CTNND2: variants seen among roughly 807,000 people sequenced by gnomAD.
The protein encoded by CTNND2 is catenin delta-2.
CTNND2 carries 22 observed loss-of-function variants against 144.4 expected under a neutral mutation model. The ratio of observed to expected loss-of-function variants is 0.15; its 90% CI spans 0.11 to 0.22. CTNND2 has a LOEUF of 0.22. Ranked by LOEUF, CTNND2 falls within the 10% of genes least tolerant of loss-of-function variation. CTNND2 has a pLI of 1.00. For missense variants in CTNND2, 1,353 were observed against 1,618.8 expected (o/e 0.84, Z 2.82); for synonymous variants, 751 against 695.6 (o/e 1.08, Z -1.25).
At chr5:11,413,197 G>A (rs1761680365) in intron 3 of CTNND2, among the ~76,000 whole-genome samples, 1 of 152,106 alleles carries the variant, frequency 6.6e-6, no homozygotes, top group Admixed American at 6.5e-5. Context: ...TTCAAATTCA[G>A]TCCAATGCAA....
intron 1 of CTNND2, among the ~76,000 whole-genome samples, chr5:11,870,898 G>GGTAA (rs1735050869): frequency 6.6e-6 from 1 of 152,124 alleles, no homozygotes; most frequent in Non-Finnish European, 1.5e-5. Flanking sequence ...GAGACACAGG[G>GGTAA]GTAAGGTTTC....
chr5:11,244,934 C>A (rs376943853), intron 9 of CTNND2, among the ~76,000 whole-genome samples: 1 of 152,060 alleles, frequency 6.6e-6, no homozygotes, highest in African/African-American at 2.4e-5. Flanking sequence ...ATTAATTATA[C>A]CCAAGTTTTC....
At chr5:11,417,544 A>G (rs1008446762) in intron 3 of CTNND2, among the ~76,000 whole-genome samples, 1 of 152,230 alleles carries the variant, frequency 6.6e-6, no homozygotes, top group African/African-American at 2.4e-5. Flanking sequence ...ACAAAAAAAA[A>G]TGTATGGCCA....
chr5:11,109,870 C>T (rs998915846), intron 14 of CTNND2, among the ~76,000 whole-genome samples: 5 of 152,160 alleles, frequency 3.3e-5, no homozygotes, highest in African/African-American at 1.2e-4. Context: ...TTTGTACAGG[C>T]AAATAGCATT....
intron 3 of CTNND2, among the ~76,000 whole-genome samples, chr5:11,506,096 G>A (rs1771007272): frequency 2.6e-5 from 4 of 152,116 alleles, no homozygotes; most frequent in South Asian, 2.1e-4. Flanking sequence ...ACTGACGGAG[G>A]CTCAGGAAAG....
At chr5:11,075,878 GAC>G (rs1204958146) in intron 16 of CTNND2, among the ~76,000 whole-genome samples, 3 of 152,222 alleles carry the variant, frequency 2.0e-5, no homozygotes. Flanking sequence ...CGTAGAAAGA[GAC>G]AGACACAGAC....
At chr5:11,234,781 T>G (rs1402788265) in intron 10 of CTNND2, among the ~76,000 whole-genome samples, 1 of 152,180 alleles carries the variant, frequency 6.6e-6, no homozygotes, top group Non-Finnish European at 1.5e-5. Flanking sequence ...TGACTCTATC[T>G]CTTGATGTTT....
intron 3 of CTNND2, among the ~76,000 whole-genome samples, chr5:11,439,461 A>G (rs1764054359): frequency 6.6e-6 from 1 of 152,188 alleles, no homozygotes; most frequent in African/African-American, 2.4e-5. Flanking sequence ...TTAATGGAAG[A>G]AGATGTGATA....
At chr5:11,082,873 G>A (rs763411541) in intron 15 of CTNND2, 27 bp from the exon 16 acceptor site, 27 of 1,609,304 alleles carry the variant, frequency 1.7e-5, no homozygotes, top group South Asian at 3.3e-5. Flanking sequence ...GGCGAAGGGC[G>A]TTAGAAACAG....
intron 16 of CTNND2, among the ~76,000 whole-genome samples, chr5:11,053,529 T>C (rs571754914): frequency 1.1e-4 from 16 of 152,194 alleles, no homozygotes; most frequent in Admixed American, 1.0e-3. Flanking sequence ...GCGTGCACCA[T>C]TTAGACAGTG....
rs537346487 is a variant in CTNND2 at position 11,377,051 on chromosome 5, T to G, written c.1177+7614A>C. Among the ~76,000 whole-genome samples, 3 of 126,766 alleles carry G rather than the reference T, an allele frequency of 2.4e-5. No individual in the cohort carries two copies. In the East Asian group the frequency reaches 6.0e-4, roughly 25 times the overall value. The allele number at this position is 126,766 out of a possible 152,430, so 83.2% of individuals were successfully genotyped here. A position where few individuals can be genotyped will look rare whatever the true frequency, so the allele number is the denominator to read the frequency against. ...TCAGACCCTGGTCTCTGTGTTTTTG[T>G]CTCCTTTTTTTTTTTTTGAGAAGGA... On this transcript the variant is annotated intron_variant, in intron 7 of 21. Transcript: ENST00000304623.
chr5:11,298,290 C>T (rs971711180), intron 9 of CTNND2, among the ~76,000 whole-genome samples: 10 of 152,130 alleles, frequency 6.6e-5, no homozygotes, highest in Admixed American at 1.3e-4. Context: ...CCCACCTCAG[C>T]CCCCTGAGTA....
At chr5:11,059,794 T>C (rs1051034175) in intron 16 of CTNND2, among the ~76,000 whole-genome samples, 50 of 152,152 alleles carry the variant, frequency 3.3e-4, no homozygotes, top group African/African-American at 1.1e-3. Flanking sequence ...CAAGATTCAA[T>C]TGAATGAAAA....
intron 9 of CTNND2, among the ~76,000 whole-genome samples, chr5:11,287,910 G>A (rs537209424): frequency 2.0e-5 from 3 of 152,070 alleles, no homozygotes; most frequent in South Asian, 2.1e-4. Flanking sequence ...CAATAAATGC[G>A]AATTACCAAT....
intron 3 of CTNND2, among the ~76,000 whole-genome samples, chr5:11,490,627 C>T (rs1769298301): frequency 6.6e-6 from 1 of 152,174 alleles, no homozygotes; most frequent in Admixed American, 6.5e-5. Flanking sequence ...GACACATGCA[C>T]ACATGCACAC....
At chr5:11,856,872 A>G (rs1795276593) in intron 1 of CTNND2, among the ~76,000 whole-genome samples, 1 of 152,208 alleles carries the variant, frequency 6.6e-6, no homozygotes, top group South Asian at 2.1e-4. Flanking sequence ...AGCATTTTAG[A>G]GTGTGAAAGC....
At chr5:11,141,365 G>A (rs900965084) in intron 12 of CTNND2, among the ~76,000 whole-genome samples, 10 of 151,880 alleles carry the variant, frequency 6.6e-5, no homozygotes, top group African/African-American at 2.4e-4. Flanking sequence ...AGTGACAATT[G>A]CATGCTTAAA....
intron 9 of CTNND2, among the ~76,000 whole-genome samples, chr5:11,344,573 T>A (rs947339538): frequency 3.3e-5 from 5 of 152,158 alleles, no homozygotes; most frequent in Admixed American, 1.3e-4. Flanking sequence ...TCTTTTCTTT[T>A]TTTTGGGGGG....
chr5:11,858,885 C>A (rs1179396386), intron 1 of CTNND2, among the ~76,000 whole-genome samples: 1 of 152,144 alleles, frequency 6.6e-6, no homozygotes, highest in Non-Finnish European at 1.5e-5. Context: ...GCTGAGATCC[C>A]ACCACTGCAC....
Sources: gnomAD v4.1 joint callset for allele counts (sites outside exome capture counted in the v4.1 genomes callset) on GRCh38, gnomAD v4.1.1 for gene constraint, MANE v1.5 for transcripts, NCBI Gene and HGNC (gene_info 2026-07-23, HGNC 2026-07-21) for gene names.